MEGF6: variants seen among roughly 807,000 people sequenced by gnomAD.
The protein encoded by MEGF6 is multiple EGF like domains 6.
A neutral mutation model predicts 207.1 loss-of-function variants in MEGF6; 184 were observed. That is an observed-to-expected ratio of 0.89 (90% CI 0.79 to 1.00). The LOEUF (loss-of-function observed/expected upper bound fraction) is 1.00, where lower values mean the gene tolerates loss of function less well. Among genes scored for constraint, MEGF6 ranks in the 50% least tolerant of loss-of-function variants. The probability of loss-of-function intolerance (pLI) is 0.00; values close to 1 mark genes in which losing one functional copy is unlikely to be tolerated. For missense variants in MEGF6, 2,282 were observed against 2,202.9 expected (o/e 1.04, Z -0.72); for synonymous variants, 1,038 against 910.0 (o/e 1.14, Z -2.53).
chr1:3,501,466 T>C (rs1015855362), intron 18 of MEGF6, among the ~76,000 whole-genome samples, 158 bp from the exon 19 acceptor site: 1 of 152,018 alleles, frequency 6.6e-6, no homozygotes, highest in African/African-American at 2.4e-5. Context: ...GGGCACCTCC[T>C]GGGGCTGCAG....
chr1:3,590,341 C>G (rs1443085067), intron 3 of MEGF6, among the ~76,000 whole-genome samples: 1 of 152,190 alleles, frequency 6.6e-6, no homozygotes, highest in African/African-American at 2.4e-5. Flanking sequence ...TGGGAAAAAC[C>G]TGGCACCGGA....
chr1:3,496,165 C>A, intron 29 of MEGF6, 147 bp from the exon 30 acceptor site: 1 of 1,221,048 alleles, frequency 8.2e-7, no homozygotes, highest in Non-Finnish European at 1.1e-6. Flanking sequence ...TCTCATGCAC[C>A]CACCCTGGCA....
At chr1:3,523,922 T>C (rs1385636722) in intron 5 of MEGF6, among the ~76,000 whole-genome samples, 3 of 152,208 alleles carry the variant, frequency 2.0e-5, no homozygotes, top group African/African-American at 7.2e-5. Context: ...AACTTGGCAT[T>C]CAGTCCTTTT....
Position 3,500,849 on chromosome 1 carries a change from G to GGA in MEGF6, c.2576-87_2576-86dup, listed in dbSNP as rs1640829324. The GGA allele has an allele frequency of 1.9e-6, 3 of 1,594,304 alleles. No homozygotes were observed. The South Asian group carries it at 3.4e-5, about 18-fold the overall frequency. On this transcript the variant is annotated intron_variant, in intron 20 of 36. Transcript: ENST00000356575. ...CCGAGTCAGGCACAGGGGCGTCTCA[G>GGA]GACTGGGGCAAGGCCTCCTGCAAGC...
intron 4 of MEGF6, among the ~76,000 whole-genome samples, chr1:3,558,010 G>A (rs1000856211): frequency 1.3e-5 from 2 of 152,134 alleles, no homozygotes; most frequent in Non-Finnish European, 2.9e-5. Flanking sequence ...GCATGCTTCC[G>A]CGGTGCAGCT....
intron 4 of MEGF6, among the ~76,000 whole-genome samples, chr1:3,566,143 G>A (rs1267079564): frequency 2.0e-5 from 3 of 152,238 alleles, no homozygotes; most frequent in Non-Finnish European, 4.4e-5. Flanking sequence ...TTCTCCTGCA[G>A]TCACTGTCCT....
rs756622800 is a variant in MEGF6 at position 3,488,361 on chromosome 1, C to T, written c.*2167G>A. Among the ~76,000 whole-genome samples the T allele has an allele frequency of 2.6e-5, 4 of 152,140 alleles. No individual in the cohort carries two copies. Among genetic ancestry groups the T allele is most frequent in the East Asian group, 1.9e-4 (1 of 5,190 alleles). ...GAGCGGGATGAGTGATTGGTACCTG[C>T]CAGGCCCCCCGTCCACACCCTCACA... On this transcript the variant is annotated 3_prime_UTR_variant, in exon 37 of 37. Transcript: ENST00000356575.
chr1:3,602,966 T>C (rs1644184542), intron 1 of MEGF6, among the ~76,000 whole-genome samples: 1 of 152,130 alleles, frequency 6.6e-6, no homozygotes, highest in Admixed American at 6.5e-5. Context: ...CGCGGGCCCA[T>C]TCTGTCCTCT....
chr1:3,496,940 C>T lies in MEGF6; in HGVS notation c.3613+48G>A, dbSNP rs112892496. ...GGACCAGGGGAACTGGGGCCCAGCA[C>T]GCCAGGCAGCACTGCCGAGTCCCTG... On this transcript the variant is annotated intron_variant, in intron 28 of 36. Transcript: ENST00000356575. The T allele has an allele frequency of 4.4e-3, 6,729 of 1,538,390 alleles. 254 individuals carry two copies. The African/African-American group carries it at 0.081, about 19-fold the overall frequency.
Position 3,497,862 on chromosome 1 carries a change from G to A in MEGF6, c.3353-501C>T, listed in dbSNP as rs138397134. ...GTGGGGACGGCGCCTCTGCTGGAAG[G>A]GGGGCTCGTGTTAGGGGCTTGGGTG... On this transcript the variant is annotated intron_variant, in intron 26 of 36. Transcript: ENST00000356575. Among the ~76,000 whole-genome samples the A allele has an allele frequency of 7.2e-3, 1,097 of 152,306 alleles. 12 individuals are homozygous for A. The highest frequency in any genetic ancestry group is 0.025 in the African/African-American group (1,053 of 41,550).
rs768412668 is a variant in MEGF6, at chr1:3,509,959, C to A, written c.1268G>T (p.Cys423Phe). 3.2e-6 allele frequency: 5 copies of A among 1,583,700 alleles called. No homozygotes were observed. In the South Asian group the frequency reaches 4.6e-5, roughly 15 times the overall value. ...GGCCAGGTTGGTGCAGTGGTGCTCG[C>A]AGCCGCCACGGCTGGAGGCGCACTC... ...VDECASSRGG[C>F]EHHCTNLAGS... is the part of the protein sequence containing the mutation. Residue 423 changes from cysteine (C) to phenylalanine (F), a missense_variant, in exon 11 of 37, where the codon TGC becomes TTC. Coordinates refer to ENST00000356575, the MANE Select transcript of MEGF6 (RefSeq NM_001409.4).
At chr1:3,524,010 G>A (rs1046301947) in intron 5 of MEGF6, 114 bp downstream of exon 5, 44 of 1,216,012 alleles carry the variant, frequency 3.6e-5, no homozygotes, top group South Asian at 4.5e-5. Context: ...CTGCCAGAGC[G>A]GCCTCTGCCT....
chr1:3,490,712 G>GTGGGGCCCA, intron 36 of MEGF6, 123 bp from the exon 37 acceptor site: 9 of 1,189,790 alleles, frequency 7.6e-6, no homozygotes, highest in East Asian at 5.1e-5. Context: ...CAGCAGGTGG[G>GTGGGGCCCA]TGGGGCCCAC....
chr1:3,552,539 T>A (rs1642919435), intron 4 of MEGF6, among the ~76,000 whole-genome samples: 1 of 152,066 alleles, frequency 6.6e-6, no homozygotes, highest in African/African-American at 2.4e-5. Context: ...CTACAAAAAA[T>A]AACAAATTAG....
In MEGF6 at chr1:3,488,009, G is replaced by A. The variant is rs767650166; in HGVS notation, c.*2519C>T. Among the ~76,000 whole-genome samples the A allele has an allele frequency of 2.0e-5, 3 of 152,146 alleles. No individual in the cohort carries two copies. Among genetic ancestry groups the A allele is most frequent in the African/African-American group, 2.4e-5 (1 of 41,490 alleles). ...TTGACAATAATTGTAGATATTCATC[G>A]GATACACAGTGATGTTTTGATACAT... On this transcript the variant is annotated 3_prime_UTR_variant, in exon 37 of 37. Coordinates refer to ENST00000356575, the MANE Select transcript of MEGF6 (RefSeq NM_001409.4).
At position 3,506,248 on chromosome 1, in the gene MEGF6, G is replaced by A. The variant is rs763848654; in HGVS notation, c.1790-12C>T. The A allele has an allele frequency of 1.2e-5, 19 of 1,606,844 alleles. No homozygotes were observed. The highest frequency in any genetic ancestry group is 6.7e-5 in the African/African-American group (5 of 74,788). On this transcript the variant is annotated splice_polypyrimidine_tract_variant and intron_variant, in intron 14 of 36. Coordinates refer to ENST00000356575, the MANE Select transcript of MEGF6 (RefSeq NM_001409.4). The stretch of plus-strand genomic sequence containing the variant: ...GCCCTTGGGGCAGCCTGGGGGCAGC[G>A]GGGCTCCATGTGAACCTTGGTGGCA...
chr1:3,584,317 G>A (rs779428062), intron 3 of MEGF6, among the ~76,000 whole-genome samples: 3 of 152,352 alleles, frequency 2.0e-5, no homozygotes, highest in East Asian at 3.9e-4. Flanking sequence ...CCAGGGACTC[G>A]GTTCCTGCAG....
At chr1:3,511,335 C>T (rs1177934220) in intron 9 of MEGF6, among the ~76,000 whole-genome samples, 1 of 152,128 alleles carries the variant, frequency 6.6e-6, no homozygotes, top group Non-Finnish European at 1.5e-5. Context: ...TGGGTATGGG[C>T]CTGGCGGGCC....
At chr1:3,610,937 C>T (rs1350395297) in intron 1 of MEGF6, among the ~76,000 whole-genome samples, 1 of 152,220 alleles carries the variant, frequency 6.6e-6, no homozygotes, top group African/African-American at 2.4e-5. Context: ...GGAGGGGACA[C>T]GGCGAGGGGC....
Sources: allele counts gnomAD v4.1 joint callset (sites outside exome capture counted in the v4.1 genomes callset), GRCh38; gene constraint gnomAD v4.1.1; transcripts MANE v1.5; gene names NCBI Gene and HGNC (gene_info 2026-07-23, HGNC 2026-07-21).